The following ATP8B1 variants were observed in gnomAD, a reference collection of about 807,000 sequenced individuals.
The protein encoded by ATP8B1 is ATPase phospholipid transporting 8B1, also known as phospholipid-transporting ATPase IC.
ATP8B1 carries 80 observed loss-of-function variants against 149.9 expected under a neutral mutation model. That is an observed-to-expected ratio of 0.53 (90% CI 0.45 to 0.64). The LOEUF is 0.64. Ranked by LOEUF, ATP8B1 falls within the 30% of genes least tolerant of loss-of-function variation. The pLI, the probability that ATP8B1 is intolerant of heterozygous loss-of-function variation, is 0.00. For synonymous variants in ATP8B1, 536 were observed against 562.8 expected (o/e 0.95, Z 0.67); for missense variants, 1,247 against 1,552.6 (o/e 0.80, Z 3.31).
At chr18:57,772,442 C>T (rs2080271167) in intron 1 of ATP8B1, among the ~76,000 whole-genome samples, 1 of 152,070 alleles carries the variant, frequency 6.6e-6, no homozygotes, top group Non-Finnish European at 1.5e-5. Flanking sequence ...GCACTGAAGG[C>T]ACACAGGATT....
At chr18:57,764,335 CTTTCTT>C (rs1568061095) in intron 1 of ATP8B1, among the ~76,000 whole-genome samples, 5 of 51,818 alleles carry the variant, frequency 9.6e-5, no homozygotes, top group African/African-American at 1.8e-4. Context: ...TTCTTTCTTT[CTTTCTT>C]TTTCTTTCTT....
intron 1 of ATP8B1, among the ~76,000 whole-genome samples, chr18:57,776,270 G>A (rs945931565): frequency 1.3e-5 from 2 of 152,230 alleles, no homozygotes; most frequent in African/African-American, 2.4e-5. Context: ...ACGACCCTTT[G>A]CCTCCACTGT....
In ATP8B1 at chr18:57,736,798, A is replaced by G. The variant is rs545965674; in HGVS notation, c.-25-4966T>C. 2.0e-5 allele frequency among the ~76,000 whole-genome samples: 3 copies of G among 152,126 alleles called. No individual in the cohort carries two copies. The South Asian group carries it at 6.2e-4, about 32-fold the overall frequency. The stretch of plus-strand genomic sequence containing the variant: ...TTGACTTTTGTGTATGGTGAGAGAC[A>G]GGGGCCCAGTTTCATTCTTTAGCAT... On this transcript the variant is annotated intron_variant, in intron 1 of 27. Transcript: ENST00000648908.
At chr18:57,758,363 AGGCGC>A (rs1253388286) in intron 1 of ATP8B1, among the ~76,000 whole-genome samples, 2 of 152,096 alleles carry the variant, frequency 1.3e-5, no homozygotes, top group African/African-American at 4.8e-5. Context: ...AAGATAGGCC[AGGCGC>A]GGTGCCTCAC....
chr18:57,745,916 C>T (rs1039600765), intron 1 of ATP8B1, among the ~76,000 whole-genome samples: 12 of 152,298 alleles, frequency 7.9e-5, no homozygotes, highest in African/African-American at 2.9e-4. Flanking sequence ...CCACCTCAAC[C>T]TCCCAAGGTG....
chr18:57,711,453 T>A (rs780719064), intron 2 of ATP8B1, among the ~76,000 whole-genome samples: 3 of 152,246 alleles, frequency 2.0e-5, no homozygotes, highest in Non-Finnish European at 4.4e-5. Flanking sequence ...TATGAATGCA[T>A]ATATGTACAC....
At chr18:57,777,225 G>A (rs979594178) in intron 1 of ATP8B1, among the ~76,000 whole-genome samples, 7 of 152,062 alleles carry the variant, frequency 4.6e-5, no homozygotes, top group African/African-American at 1.2e-4. Context: ...CAATCTGCCC[G>A]GCTCAGCATC....
intron 1 of ATP8B1, among the ~76,000 whole-genome samples, chr18:57,794,717 G>C (rs1056897746): frequency 1.3e-5 from 2 of 151,940 alleles, no homozygotes; most frequent in African/African-American, 4.8e-5. Context: ...CCTGGGAGGC[G>C]GAGGTTGAGG....
At position 57,688,437 on chromosome 18, in the gene ATP8B1, C is replaced by A. The variant is rs1239956112; in HGVS notation, c.1291G>T (p.Asp431Tyr). 2 of 1,614,132 alleles carry A rather than the reference C, an allele frequency of 1.2e-6. No homozygotes were observed. Among genetic ancestry groups the A allele is most frequent in the Admixed American group, 3.3e-5 (2 of 60,004 alleles). The part of the protein sequence containing the change: ...WDLQMYYAEK[D>Y]TPAKARTTTL... Reference sequence around the variant, plus strand: ...GTGGTTCTAGCTTTTGCGGGTGTGTCCTTCTCAGCATAGTACATTTGCAGG... The same window carrying A: ...GTGGTTCTAGCTTTTGCGGGTGTGTACTTCTCAGCATAGTACATTTGCAGG... Residue 431 changes from aspartate (D) to tyrosine (Y), a missense_variant, in exon 13 of 28, where the codon GAC becomes TAC. Physicochemically the swap from Asp to Tyr is radical, Grantham distance 160 (BLOSUM62 -3). Transcript: ENST00000648908.
rs926401192 is a variant in ATP8B1, at chr18:57,695,266, C to T, written c.845G>A (p.Arg282Lys). The T allele has an allele frequency of 1.3e-5, 21 of 1,613,358 alleles. No individual in the cohort carries two copies. Among genetic ancestry groups the T allele is most frequent in the Non-Finnish European group, 1.8e-5 (21 of 1,179,446 alleles). Residue 282 changes from arginine (R) to lysine (K), a missense_variant, in exon 10 of 28, where the codon AGA (arginine) becomes AAA (lysine). Arg to Lys is a conservative substitution (Grantham distance 26). Transcript: ENST00000648908. The stretch of plus-strand genomic sequence containing the variant: ...AGCATCCAAAGGAAAACTTGTGTTT[C>T]TCCAAAATAGTGTTCCTGTAAACTT... ...LDKFTGTLFW[R>K]NTSFPLDADK...
At chr18:57,652,003 A>C in intron 26 of ATP8B1, 31 bp downstream of exon 26, 2 of 1,598,356 alleles carry the variant, frequency 1.3e-6, no homozygotes, top group Non-Finnish European at 1.7e-6. Context: ...ATTTGTCTGT[A>C]CATTTATTTT....
At chr18:57,661,025 G>T (rs996691838) in intron 22 of ATP8B1, 149 bp downstream of exon 22, 1 of 1,100,234 alleles carries the variant, frequency 9.1e-7, no homozygotes, top group East Asian at 2.6e-5. Context: ...GGTCACAGGC[G>T]TTGTCATGGT....
In ATP8B1 at chr18:57,707,602, G is replaced by C. The variant is rs560877231; in HGVS notation, c.182-1015C>G. Among the ~76,000 whole-genome samples, 264 of 148,068 alleles carry C rather than the reference G, an allele frequency of 1.8e-3. 1 individual carries two copies. The highest frequency in any genetic ancestry group is 3.3e-3 in the Admixed American group (50 of 14,926). ...CGGCTCACTGCAACCTCTGCCTCCC[G>C]GGTTCAAGTGATTCTTCTGCCTCAG... is the stretch of plus-strand genomic sequence containing the variant. On this transcript the variant is annotated intron_variant, in intron 2 of 27. Transcript: ENST00000648908.
chr18:57,675,207 C>G (rs1911521483), intron 15 of ATP8B1, among the ~76,000 whole-genome samples, 185 bp from the exon 16 acceptor site: 1 of 152,186 alleles, frequency 6.6e-6, no homozygotes, highest in African/African-American at 2.4e-5. Context: ...TTTATCTTGA[C>G]TTATAAACAG....
chr18:57,682,066 G>C (rs371468091), intron 15 of ATP8B1, among the ~76,000 whole-genome samples: 2 of 150,792 alleles, frequency 1.3e-5, no homozygotes, highest in African/African-American at 4.9e-5. Context: ...GTGCAGTGGC[G>C]TGATCTTGGC....
At chr18:57,775,584 AC>A (rs2080299518) in intron 1 of ATP8B1, among the ~76,000 whole-genome samples, 1 of 151,800 alleles carries the variant, frequency 6.6e-6, no homozygotes. Context: ...TGGTTGTTCT[AC>A]CTAGAGCAAG....
chr18:57,761,067 AAAATAAAAT>A (rs1164421194), intron 1 of ATP8B1, among the ~76,000 whole-genome samples: 7 of 137,114 alleles, frequency 5.1e-5, no homozygotes, highest in African/African-American at 2.0e-4. Flanking sequence ...AAAATAACAT[AAAATAAAAT>A]AAATAAAATA....
intron 12 of ATP8B1, among the ~76,000 whole-genome samples, chr18:57,688,919 G>A (rs1380609690): frequency 6.6e-6 from 1 of 152,112 alleles, no homozygotes; most frequent in Non-Finnish European, 1.5e-5. Flanking sequence ...AATAAATTTC[G>A]AAGGTCTTTT....
intron 1 of ATP8B1, among the ~76,000 whole-genome samples, chr18:57,786,081 T>A (rs1292300633): frequency 6.6e-6 from 1 of 152,204 alleles, no homozygotes; most frequent in East Asian, 1.9e-4. Flanking sequence ...TTTCTGACTT[T>A]ACTATTTAAT....
Sources: gnomAD v4.1 joint callset for allele counts (sites outside exome capture counted in the v4.1 genomes callset) on GRCh38, gnomAD v4.1.1 for gene constraint, MANE v1.5 for transcripts, NCBI Gene and HGNC (gene_info 2026-07-23, HGNC 2026-07-21) for gene names.